NTNG1: variants seen among roughly 807,000 people sequenced by gnomAD.
NTNG1 encodes netrin-G1.
In NTNG1, 16 loss-of-function variants were observed where a neutral mutation model predicts 54.0. The observed-to-expected ratio is 0.30, with a 90% CI of 0.20 to 0.45. The LOEUF is 0.45. Among genes scored for constraint, NTNG1 ranks in the 20% least tolerant of loss-of-function variants. The pLI, the probability that NTNG1 is intolerant of heterozygous loss-of-function variation, is 1.00. For synonymous variants in NTNG1, 255 were observed against 263.1 expected (o/e 0.97, Z 0.30); for missense variants, 530 against 678.7 (o/e 0.78, Z 2.43).
At position 107,481,331 on chromosome 1, in the gene NTNG1, C is replaced by A. The variant is rs2101620875; in HGVS notation, c.*491C>A. The A allele has an allele frequency of 6.4e-6, 1 of 157,122 alleles. No individual in the cohort carries two copies. Among genetic ancestry groups the A allele is most frequent in the South Asian group, 2.0e-4 (1 of 4,966 alleles). 9.7% of individuals were successfully genotyped at this position (157,122 alleles called of 1,614,324 possible). On this transcript the variant is annotated 3_prime_UTR_variant, in exon 8 of 8. Coordinates refer to ENST00000370068, the MANE Select transcript of NTNG1 (RefSeq NM_001113226.3). ...CTTCCGTCCCTGAATCCCTTCCAAC[C>A]TGTGCTTTAGTGAACGTTGCTCTGT...
intron 2 of NTNG1, among the ~76,000 whole-genome samples, chr1:107,155,535 C>T (rs1161195153): frequency 1.3e-5 from 2 of 152,060 alleles, no homozygotes; most frequent in East Asian, 3.9e-4. Flanking sequence ...CATTTAGCAC[C>T]TCATTAGATC....
intron 2 of NTNG1, among the ~76,000 whole-genome samples, chr1:107,233,347 A>G (rs538218597): frequency 6.6e-6 from 1 of 152,334 alleles, no homozygotes; most frequent in South Asian, 2.1e-4. Flanking sequence ...TGTTGTTTAT[A>G]TGAAGTCTCT....
chr1:107,302,243 A>C (rs1666365423), intron 2 of NTNG1, among the ~76,000 whole-genome samples: 1 of 152,126 alleles, frequency 6.6e-6, no homozygotes, highest in Non-Finnish European at 1.5e-5. Flanking sequence ...TCTAGGATGA[A>C]TCCTGGCTTT....
intron 5 of NTNG1, among the ~76,000 whole-genome samples, chr1:107,412,968 T>G (rs1673931041): frequency 6.6e-6 from 1 of 152,278 alleles, no homozygotes; most frequent in African/African-American, 2.4e-5. Context: ...AGGATAACTC[T>G]GCCAGTATCA....
intron 2 of NTNG1, among the ~76,000 whole-genome samples, chr1:107,269,344 T>C (rs1663972340): frequency 6.6e-6 from 1 of 152,196 alleles, no homozygotes; most frequent in South Asian, 2.1e-4. Flanking sequence ...TTTGGCACCT[T>C]TTCAGTGAAA....
intron 2 of NTNG1, among the ~76,000 whole-genome samples, chr1:107,218,571 G>C (rs1349961139): frequency 1.3e-5 from 2 of 151,970 alleles, no homozygotes; most frequent in Non-Finnish European, 2.9e-5. Context: ...ATGCTTTAAG[G>C]AGATTCTATT....
At chr1:107,361,383 A>ATATATATATG (rs1670282506) in intron 3 of NTNG1, among the ~76,000 whole-genome samples, 1 of 68,102 alleles carries the variant, frequency 1.5e-5, no homozygotes, top group African/African-American at 4.3e-5. Flanking sequence ...ACATATATAT[A>ATATATATATG]TATATATATT....
chr1:107,318,965 T>G (rs943092465), intron 2 of NTNG1, among the ~76,000 whole-genome samples: 1 of 152,148 alleles, frequency 6.6e-6, no homozygotes, highest in South Asian at 2.1e-4. Flanking sequence ...GTCTCTAGAA[T>G]TGTGGTCATC....
rs1012984321 is a variant in NTNG1, at chr1:107,173,554, A to G, written c.246+24715A>G. ...CCGGAATCCTTCAATAATGCTCAGC[A>G]CACTCAATGCCTTAGAAGTGAAGGT... On this transcript the variant is annotated intron_variant, in intron 2 of 7. Coordinates refer to ENST00000370068, the MANE Select transcript of NTNG1 (RefSeq NM_001113226.3). 4.6e-5 allele frequency among the ~76,000 whole-genome samples: 7 copies of G among 152,180 alleles called. No homozygotes were observed. In the South Asian group the frequency reaches 1.4e-3, roughly 31 times the overall value.
intron 4 of NTNG1, among the ~76,000 whole-genome samples, chr1:107,397,774 G>C (rs959271488): frequency 6.8e-6 from 1 of 147,044 alleles, no homozygotes; most frequent in East Asian, 2.0e-4. Context: ...GAAGTATATC[G>C]ACCCTGGCTT....
At chr1:107,200,895 T>C (rs1055728193) in intron 2 of NTNG1, among the ~76,000 whole-genome samples, 2 of 151,888 alleles carry the variant, frequency 1.3e-5, no homozygotes, top group Non-Finnish European at 2.9e-5. Context: ...CTCAGTTCTT[T>C]TCTCTGACCA....
chr1:107,436,234 G>C (rs1046438090), intron 6 of NTNG1, among the ~76,000 whole-genome samples: 5 of 152,134 alleles, frequency 3.3e-5, no homozygotes, highest in African/African-American at 1.2e-4. Context: ...CATTCATATT[G>C]TACTTTTAAA....
At chr1:107,434,765 G>T (rs1675497333) in intron 6 of NTNG1, among the ~76,000 whole-genome samples, 1 of 152,042 alleles carries the variant, frequency 6.6e-6, no homozygotes, top group Non-Finnish European at 1.5e-5. Context: ...TAACAGTCCT[G>T]CATGTTCTTC....
chr1:107,261,718 C>G (rs1006605946), intron 2 of NTNG1, among the ~76,000 whole-genome samples: 3 of 152,140 alleles, frequency 2.0e-5, no homozygotes, highest in Non-Finnish European at 4.4e-5. Flanking sequence ...TGGCGGGTGC[C>G]TGTAGTCCCA....
At chr1:107,231,742 C>G (rs1464306383) in intron 2 of NTNG1, among the ~76,000 whole-genome samples, 1 of 152,156 alleles carries the variant, frequency 6.6e-6, no homozygotes, top group East Asian at 1.9e-4. Flanking sequence ...TATCTGTAAG[C>G]TGGTCCTCGG....
intron 2 of NTNG1, among the ~76,000 whole-genome samples, chr1:107,278,006 G>T (rs1290297978): frequency 2.0e-5 from 3 of 152,184 alleles, no homozygotes; most frequent in Non-Finnish European, 4.4e-5. Flanking sequence ...ATAGAAGGCA[G>T]TGCTATTAAA....
At chr1:107,231,534 A>G (rs1034742686) in intron 2 of NTNG1, among the ~76,000 whole-genome samples, 1 of 152,192 alleles carries the variant, frequency 6.6e-6, no homozygotes, top group Non-Finnish European at 1.5e-5. Flanking sequence ...TCAGATGGCT[A>G]GTCATTTGCT....
chr1:107,470,654 T>C (rs761409801), intron 7 of NTNG1, among the ~76,000 whole-genome samples: 1 of 152,218 alleles, frequency 6.6e-6, no homozygotes, highest in African/African-American at 2.4e-5. Context: ...TCCCCATGAA[T>C]TCCATCTTTC....
Position 107,300,568 on chromosome 1 carries a change from C to T in NTNG1, c.247-23714C>T, listed in dbSNP as rs142347790. ...GACAGCTATTTACTTCAAAACAATACGCTTTGACAGTTGCAAGCAAGTATA... is the reference window on the plus strand; with the variant it reads ...GACAGCTATTTACTTCAAAACAATATGCTTTGACAGTTGCAAGCAAGTATA... On this transcript the variant is annotated intron_variant, in intron 2 of 7. Coordinates refer to ENST00000370068, the MANE Select transcript of NTNG1 (RefSeq NM_001113226.3). 9.1e-4 allele frequency among the ~76,000 whole-genome samples: 139 copies of T among 152,224 alleles called. 2 individuals are homozygous for T. In the East Asian group the frequency reaches 0.023, roughly 25 times the overall value.
Sources: allele counts gnomAD v4.1 joint callset (sites outside exome capture counted in the v4.1 genomes callset), GRCh38; gene constraint gnomAD v4.1.1; transcripts MANE v1.5; gene names NCBI Gene and HGNC (gene_info 2026-07-23, HGNC 2026-07-21).